Variants in HPCAL1 observed in about 807,000 individuals in gnomAD.
HPCAL1 encodes hippocalcin like 1, also known as hippocalcin-like protein 1.
Under a neutral mutation model 17.1 loss-of-function variants are expected in HPCAL1, and 8 were observed. The ratio of observed to expected loss-of-function variants is 0.47; its 90% confidence interval spans 0.27 to 0.84. The LOEUF (loss-of-function observed/expected upper bound fraction) is 0.84. Among genes scored for constraint, HPCAL1 ranks in the 40% least tolerant of loss-of-function variants. The pLI, the probability that HPCAL1 is intolerant of heterozygous loss-of-function variation, is 0.13. For synonymous variants in HPCAL1, 112 were observed against 111.4 expected (o/e 1.01, Z -0.03); for missense variants, 165 against 271.1 (o/e 0.61, Z 2.75).
At chr2:10,383,538 T>A (rs139539100) in intron 1 of HPCAL1, among the ~76,000 whole-genome samples, 3,988 of 152,212 alleles carry the variant, frequency 0.026, 63 homozygotes, top group Non-Finnish European at 0.038. Context: ...AATTTTTGTA[T>A]TTTTAGTAGA....
intron 1 of HPCAL1, among the ~76,000 whole-genome samples, chr2:10,333,648 A>G (rs1664527706): frequency 6.6e-6 from 1 of 152,212 alleles, no homozygotes; most frequent in Admixed American, 6.5e-5. Context: ...TTTTGAAGAA[A>G]GTTTTTATTT....
chr2:10,404,339 G>C (rs971544379), intron 2 of HPCAL1, among the ~76,000 whole-genome samples: 1 of 152,148 alleles, frequency 6.6e-6, no homozygotes, highest in African/African-American at 2.4e-5. Flanking sequence ...ATTCCTCCTG[G>C]AATGCCCCTC....
At chr2:10,387,803 G>A (rs1436762004) in intron 1 of HPCAL1, among the ~76,000 whole-genome samples, 1 of 152,224 alleles carries the variant, frequency 6.6e-6, no homozygotes, top group Non-Finnish European at 1.5e-5. Flanking sequence ...CTGGACCTGC[G>A]AGTGTAGGTA....
intron 4 of HPCAL1, chr2:10,426,230 C>T (rs981251718): frequency 5.2e-5 from 8 of 152,888 alleles, no homozygotes; most frequent in African/African-American, 1.4e-4. Context: ...GTTTTCCTCT[C>T]ACCGCATGGG....
chr2:10,347,543 C>T (rs1326842352), intron 1 of HPCAL1, among the ~76,000 whole-genome samples: 1 of 152,132 alleles, frequency 6.6e-6, no homozygotes, highest in East Asian at 1.9e-4. Context: ...GTGCCTCCTG[C>T]CACCCTGGGG....
At chr2:10,303,815 A>T (rs1389880093) in intron 1 of HPCAL1, 1 of 152,270 alleles carries the variant, frequency 6.6e-6, no homozygotes, top group African/African-American at 2.4e-5. Flanking sequence ...CCTGGGCCAG[A>T]CGCGCCACCT....
intron 1 of HPCAL1, among the ~76,000 whole-genome samples, chr2:10,378,366 G>A (rs1039926803): frequency 6.6e-5 from 10 of 151,948 alleles, no homozygotes; most frequent in African/African-American, 1.9e-4. Context: ...CCCGATAAAG[G>A]AGGGTGCTTG....
intron 1 of HPCAL1, among the ~76,000 whole-genome samples, chr2:10,334,841 C>A (rs1279946380): frequency 2.0e-5 from 3 of 152,050 alleles, no homozygotes; most frequent in South Asian, 2.1e-4. Context: ...ACATGCCTGG[C>A]TAATTTTTGT....
In HPCAL1 at chr2:10,365,193, C is replaced by T. The variant is rs191628994; in HGVS notation, c.-110-31642C>T. On this transcript the variant is annotated intron_variant, in intron 1 of 4. Transcript: ENST00000307845. This position sits in a 1 kb window ranked among gnomAD's most constrained non-coding sequence, Gnocchi z 4.8. ...CATGTACGGAAGGAGAAATGGAGGC[C>T]GCCAGAGAGGTCTAGGCCTCCGACC... Among the ~76,000 whole-genome samples the T allele has an allele frequency of 6.6e-6, 1 of 152,266 alleles. No homozygotes were observed. The highest frequency in any genetic ancestry group is 2.4e-5 in the African/African-American group (1 of 41,544).
rs1275049455 is a variant in HPCAL1 at position 10,394,181 on chromosome 2, G to A, written c.-110-2654G>A. ...AGAGCAGCTGAAAAGAACAGAGCAT[G>A]GGTTTGGGGATTTGTGTTTTGGGCG... On this transcript the variant is annotated intron_variant, in intron 1 of 4. Transcript: ENST00000307845. This position sits in a 1 kb window ranked among gnomAD's most constrained non-coding sequence, Gnocchi z 5.0. Among the ~76,000 whole-genome samples the A allele has an allele frequency of 6.6e-6, 1 of 152,108 alleles. No homozygotes were observed. Among genetic ancestry groups the A allele is most frequent in the Non-Finnish European group, 1.5e-5 (1 of 68,022 alleles).
intron 1 of HPCAL1, among the ~76,000 whole-genome samples, chr2:10,351,859 G>T (rs12990794): frequency 0.14 from 21,218 of 151,726 alleles, 1,759 homozygotes; most frequent in Non-Finnish European, 0.17. Context: ...AGCGATGGTT[G>T]CACAGTTGTG....
intron 1 of HPCAL1, among the ~76,000 whole-genome samples, chr2:10,345,616 C>T (rs544879830): frequency 3.7e-4 from 56 of 152,040 alleles, no homozygotes; most frequent in African/African-American, 1.3e-3. Flanking sequence ...GCCACCACAC[C>T]CAGCTAATTT....
intron 2 of HPCAL1, among the ~76,000 whole-genome samples, chr2:10,418,446 CAAAAAAAAAAAAAAAA>C (rs58884767): frequency 8.3e-5 from 5 of 60,190 alleles, no homozygotes; most frequent in Admixed American, 2.3e-4. Flanking sequence ...GACTCCATCT[CAAAAAAAAAAAAAAAA>C]AAAAAAAAAC....
chr2:10,363,246 G>A lies in HPCAL1; in HGVS notation c.-110-33589G>A, dbSNP rs1406084683. Among the ~76,000 whole-genome samples the A allele has an allele frequency of 6.6e-6, 1 of 152,174 alleles. No homozygotes were observed. The highest frequency in any genetic ancestry group is 1.5e-5 in the Non-Finnish European group (1 of 68,042). On this transcript the variant is annotated intron_variant, in intron 1 of 4. Transcript: ENST00000307845. This position sits in a 1 kb window ranked among gnomAD's most constrained non-coding sequence, Gnocchi z 4.7. ...TAAATGCATTAGGGGCGGAGTGGTG[G>A]GAGAGTGATTCCCCTGCAGCCCTTC...
intron 1 of HPCAL1, among the ~76,000 whole-genome samples, chr2:10,347,179 C>T (rs184288939): frequency 1.3e-5 from 2 of 152,214 alleles, no homozygotes; most frequent in Non-Finnish European, 2.9e-5. Flanking sequence ...TGTCTGCCTC[C>T]CTGGCATCCG....
In HPCAL1 at chr2:10,375,544, C is replaced by T. The variant is rs555611140; in HGVS notation, c.-110-21291C>T. Among the ~76,000 whole-genome samples the T allele has an allele frequency of 3.9e-5, 6 of 152,228 alleles. 1 individual carries two copies. The highest frequency in any genetic ancestry group is 2.6e-4 in the Admixed American group (4 of 15,282). On this transcript the variant is annotated intron_variant, in intron 1 of 4. Coordinates refer to ENST00000307845, the MANE Select transcript of HPCAL1 (RefSeq NM_002149.4). ...AGTGGTTAGCCAAGAACACAAATTACGGTGATGTTGTTTGCAGTGTGGCGT... is the reference window on the plus strand; with the variant it reads ...AGTGGTTAGCCAAGAACACAAATTATGGTGATGTTGTTTGCAGTGTGGCGT...
intron 1 of HPCAL1, among the ~76,000 whole-genome samples, chr2:10,338,387 T>C (rs1282738201): frequency 5.3e-5 from 8 of 152,178 alleles, no homozygotes; most frequent in Non-Finnish European, 1.2e-4. Context: ...TTTGGATCAG[T>C]GCGGCCTGGA....
intron 1 of HPCAL1, among the ~76,000 whole-genome samples, chr2:10,369,642 G>A (rs867262305): frequency 6.6e-6 from 1 of 152,212 alleles, no homozygotes; most frequent in South Asian, 2.1e-4. Context: ...GGACTCAGGG[G>A]CAGCCTAAAT....
intron 1 of HPCAL1, among the ~76,000 whole-genome samples, chr2:10,337,760 T>G (rs912406021): frequency 6.6e-6 from 1 of 152,136 alleles, no homozygotes; most frequent in Non-Finnish European, 1.5e-5. Flanking sequence ...CTTCCCACCT[T>G]CCCTTCCTGC....
Sources: allele counts gnomAD v4.1 joint callset (sites outside exome capture counted in the v4.1 genomes callset), GRCh38; gene constraint gnomAD v4.1.1; non-coding constraint Gnocchi (gnomAD v3.1); transcripts MANE v1.5; gene names NCBI Gene and HGNC (gene_info 2026-07-23, HGNC 2026-07-21).